BAG4: variants seen among roughly 807,000 people sequenced by gnomAD.
BAG4 encodes BAG family molecular chaperone regulator 4.
Under a neutral mutation model 52.1 loss-of-function variants are expected in BAG4, and 28 were observed. That is an observed-to-expected ratio of 0.54 (90% CI 0.40 to 0.74). BAG4 has a LOEUF of 0.74. Among genes scored for constraint, BAG4 ranks in the 30% least tolerant of loss-of-function variants. BAG4 has a pLI of 0.00. For missense variants in BAG4, 525 were observed against 572.0 expected (o/e 0.92, Z 0.84); for synonymous variants, 208 against 217.0 (o/e 0.96, Z 0.37).
intron 1 of BAG4, among the ~76,000 whole-genome samples, chr8:38,190,759 CTT>C (rs763468928): frequency 8.2e-5 from 11 of 133,774 alleles, no homozygotes; most frequent in African/African-American, 8.3e-5. Flanking sequence ...GGTGGGTTGT[CTT>C]TTTTTTTTTT....
intron 1 of BAG4, among the ~76,000 whole-genome samples, chr8:38,188,652 CATATATACATGTATACATATACATGTAT>C (rs1803412970): frequency 1.4e-3 from 1 of 740 alleles, no homozygotes; most frequent in South Asian, 0.062. Context: ...TACATGTATA[CATATATACATGTATACATATACATGTAT>C]ACATATATAC....
chr8:38,191,453 G>A (rs1803472595), intron 1 of BAG4, among the ~76,000 whole-genome samples: 1 of 152,132 alleles, frequency 6.6e-6, no homozygotes, highest in Non-Finnish European at 1.5e-5. Flanking sequence ...CGAAGGTCCT[G>A]TTCAAGCTTA....
At position 38,189,813 on chromosome 8, in the gene BAG4, T is replaced by TTTGTTGTTGTTGTTGTTG. The variant is rs145500897; in HGVS notation, c.271-2872_271-2855dup. Among the ~76,000 whole-genome samples the TTTGTTGTTGTTGTTGTTG allele has an allele frequency of 1.6e-3, 247 of 151,910 alleles. 2 individuals carry two copies. The highest frequency in any genetic ancestry group is 5.2e-3 in the African/African-American group (216 of 41,420). Reference sequence around the variant, plus strand: ...TTTTGCATAAAAGGTTAAATTACGTTTTGTTGTTGTTGTTGTTGTTTTGAG... The same window carrying TTTGTTGTTGTTGTTGTTG: ...TTTTGCATAAAAGGTTAAATTACGTTTTGTTGTTGTTGTTGTTGTTGTTGTTGTTGTTGTTGTTTTGAG... On this transcript the variant is annotated intron_variant, in intron 1 of 4. Coordinates refer to ENST00000287322, the MANE Select transcript of BAG4 (RefSeq NM_004874.4).
At chr8:38,207,442 G>C in intron 2 of BAG4, 70 bp from the exon 3 acceptor site, 1 of 1,507,996 alleles carries the variant, frequency 6.6e-7, no homozygotes, top group Middle Eastern at 2.4e-4. Flanking sequence ...TTCAAGTTTA[G>C]GCATTAAGTC....
chr8:38,201,824 A>G (rs1803665706), intron 2 of BAG4: 2 of 105,890 alleles, frequency 1.9e-5, no homozygotes, highest in African/African-American at 3.8e-5. Flanking sequence ...ATTTATTCTG[A>G]GTGTGGAATT....
chr8:38,179,896 G>A (rs1803234629), intron 1 of BAG4, among the ~76,000 whole-genome samples: 1 of 152,226 alleles, frequency 6.6e-6, no homozygotes, highest in East Asian at 1.9e-4. Flanking sequence ...TGGGGAAAGA[G>A]GAGAGGACCT....
intron 1 of BAG4, among the ~76,000 whole-genome samples, chr8:38,183,036 CTTTT>C (rs539995423): frequency 6.0e-5 from 6 of 100,110 alleles, no homozygotes; most frequent in East Asian, 5.7e-4. Context: ...ACTGACCCAT[CTTTT>C]TTTTTTTTTT....
rs1157770485 is a variant in BAG4 at position 38,188,036 on chromosome 8, CAAAAAAAAAAAA to C, written c.271-4641_271-4630del. Among the ~76,000 whole-genome samples the C allele has an allele frequency of 1.1e-4, 4 of 37,132 alleles. No homozygotes were observed. In the Admixed American group the frequency reaches 1.3e-3, roughly 12 times the overall value. The allele number at this position is 37,132 out of a possible 152,430, so 24.4% of individuals were successfully genotyped here. A position where few individuals can be genotyped will look rare whatever the true frequency, so the allele number is the denominator to read the frequency against. On this transcript the variant is annotated intron_variant, in intron 1 of 4. Coordinates refer to ENST00000287322, the MANE Select transcript of BAG4 (RefSeq NM_004874.4). ...TGGGTGATAGAGTGAGACTCCGTCT[CAAAAAAAAAAAA>C]AAAAAAAAAAGGAAGAAGAAGAAGT...
At chr8:38,201,528 C>G (rs1803661873) in intron 2 of BAG4, among the ~76,000 whole-genome samples, 1 of 152,036 alleles carries the variant, frequency 6.6e-6, no homozygotes, top group Non-Finnish European at 1.5e-5. Flanking sequence ...GTCTTGAACT[C>G]CTGGGCTCAG....
rs1286944366 is a variant in BAG4, at chr8:38,211,832, G to C, written c.*1339G>C. ...TTGTTTGGGTAACTCTATGCTGTTA[G>C]ATAGAAGAGACTTAGGTAAATAACT... On this transcript the variant is annotated 3_prime_UTR_variant, in exon 5 of 5. Transcript: ENST00000287322. 6.6e-6 allele frequency: 1 copy of C among 152,144 alleles called. No homozygotes were observed. The highest frequency in any genetic ancestry group is 1.5e-5 in the Non-Finnish European group (1 of 67,990). 9.4% of individuals were successfully genotyped at this position (152,144 alleles called of 1,614,324 possible). A position where few individuals can be genotyped will look rare whatever the true frequency, so the allele number is the denominator to read the frequency against.
intron 1 of BAG4, among the ~76,000 whole-genome samples, chr8:38,184,860 G>A (rs920483324): frequency 6.6e-6 from 1 of 152,216 alleles, no homozygotes. Context: ...GGAGGCTGAG[G>A]TGGGCAGATC....
chr8:38,181,461 G>T (rs1803270252), intron 1 of BAG4, among the ~76,000 whole-genome samples: 1 of 152,032 alleles, frequency 6.6e-6, no homozygotes, highest in South Asian at 2.1e-4. Flanking sequence ...TTTAGGCTGG[G>T]TGCGGTGTCT....
At chr8:38,178,369 G>A (rs1672468675) in intron 1 of BAG4, among the ~76,000 whole-genome samples, 1 of 152,176 alleles carries the variant, frequency 6.6e-6, no homozygotes, top group Non-Finnish European at 1.5e-5. Context: ...TGGCCAGGAT[G>A]GTCTTGAACT....
intron 2 of BAG4, among the ~76,000 whole-genome samples, chr8:38,207,007 C>T (rs1393700770): frequency 2.1e-5 from 3 of 143,798 alleles, no homozygotes; most frequent in Admixed American, 7.4e-5. Context: ...GGCTGGAGTG[C>T]GATGGCACGA....
chr8:38,184,690 C>T (rs1003279956), intron 1 of BAG4, among the ~76,000 whole-genome samples: 9 of 152,094 alleles, frequency 5.9e-5, no homozygotes, highest in Non-Finnish European at 1.2e-4. Flanking sequence ...CCACTGTCTC[C>T]TCCTCTAGCC....
In BAG4 at chr8:38,212,045, A is replaced by G. The variant is rs188766347; in HGVS notation, c.*1552A>G. ...AACAGATGAGGAGAGGAAATGTAGT[A>G]AAAATACTGGCTGGGTCTTATGATT... is the stretch of plus-strand genomic sequence containing the variant. On this transcript the variant is annotated 3_prime_UTR_variant, in exon 5 of 5. Transcript: ENST00000287322. 246 of 152,316 alleles carry G rather than the reference A, an allele frequency of 1.6e-3. 2 individuals are homozygous for G. The highest frequency in any genetic ancestry group is 5.5e-3 in the African/African-American group (230 of 41,582). The allele number at this position is 152,316 out of a possible 1,614,324, so 9.4% of individuals were successfully genotyped here.
intron 1 of BAG4, among the ~76,000 whole-genome samples, chr8:38,186,547 A>T (rs1803369045): frequency 6.6e-6 from 1 of 152,210 alleles, no homozygotes; most frequent in Non-Finnish European, 1.5e-5. Context: ...GAGATGCAGG[A>T]TAAACTAGTA....
intron 1 of BAG4, among the ~76,000 whole-genome samples, chr8:38,187,302 G>A (rs1414889360): frequency 6.6e-6 from 1 of 152,116 alleles, no homozygotes; most frequent in Non-Finnish European, 1.5e-5. Context: ...GAGTTGAAAA[G>A]TACAGTAACT....
intron 1 of BAG4, among the ~76,000 whole-genome samples, chr8:38,183,999 CAG>C (rs1585651845): frequency 6.6e-6 from 1 of 152,260 alleles, no homozygotes; most frequent in Middle Eastern, 3.4e-3. Context: ...AGCAGGAAAA[CAG>C]AAACCACACT....
Sources: allele counts gnomAD v4.1 joint callset (sites outside exome capture counted in the v4.1 genomes callset), GRCh38; gene constraint gnomAD v4.1.1; transcripts MANE v1.5; gene names NCBI Gene and HGNC (gene_info 2026-07-23, HGNC 2026-07-21).